DLGAP2: variants seen among roughly 807,000 people sequenced by gnomAD.
The protein encoded by DLGAP2 is DLG associated protein 2.
In DLGAP2, 26 loss-of-function variants were observed where a neutral mutation model predicts 100.3. The observed-to-expected ratio is 0.26, with a 90% CI of 0.19 to 0.36. DLGAP2 has a LOEUF of 0.36. Ranked by LOEUF, DLGAP2 falls within the 10% of genes least tolerant of loss-of-function variation. The pLI is 1.00. For synonymous variants in DLGAP2, 886 were observed against 630.1 expected (o/e 1.41, Z -6.08); for missense variants, 1,858 against 1,453.2 (o/e 1.28, Z -4.53).
chr8:1,672,282 G>T (rs138982338), intron 10 of DLGAP2, among the ~76,000 whole-genome samples: 11 of 149,174 alleles, frequency 7.4e-5, no homozygotes, highest in Non-Finnish European at 1.3e-4. Context: ...GCTGAAGTGC[G>T]TGGCACGATC....
At chr8:1,670,918 C>T (rs1345988728) in intron 10 of DLGAP2, among the ~76,000 whole-genome samples, 1 of 152,190 alleles carries the variant, frequency 6.6e-6, no homozygotes, top group African/African-American at 2.4e-5. Context: ...AGGGAGGCGT[C>T]AGGAGGGGAG....
rs1402927847 is a variant in DLGAP2 at position 963,516 on chromosome 8, A to G, written c.73+55550A>G. 2.6e-5 allele frequency among the ~76,000 whole-genome samples: 4 copies of G among 152,224 alleles called. No homozygotes were observed. In the East Asian group the frequency reaches 5.8e-4, roughly 22 times the overall value. ...ACTTTTATGTATGTAAAATATTCAT[A>G]TGGATGACTATTAAAGTAAGCGTTA... On this transcript the variant is annotated intron_variant, in intron 2 of 14. Coordinates refer to ENST00000637795, the MANE Select transcript of DLGAP2 (RefSeq NM_001346810.2).
chr8:1,269,642 C>A (rs1283293805), intron 3 of DLGAP2, among the ~76,000 whole-genome samples: 1 of 152,058 alleles, frequency 6.6e-6, no homozygotes, highest in Admixed American at 6.5e-5. Flanking sequence ...TCTGCAGCAC[C>A]CACCTTTGTA....
At chr8:1,683,068 G>T (rs926706742) in intron 12 of DLGAP2, among the ~76,000 whole-genome samples, 2 of 151,592 alleles carry the variant, frequency 1.3e-5, no homozygotes, top group African/African-American at 4.8e-5. Context: ...ATGCAACAAT[G>T]AGTAAGACAT....
At chr8:1,055,924 T>C (rs1372267726) in intron 2 of DLGAP2, among the ~76,000 whole-genome samples, 1 of 152,214 alleles carries the variant, frequency 6.6e-6, no homozygotes, top group African/African-American at 2.4e-5. Context: ...TAATAATACC[T>C]GGCCAGCTAA....
intron 1 of DLGAP2, among the ~76,000 whole-genome samples, chr8:906,380 A>G (rs1410493060): frequency 6.6e-6 from 1 of 152,162 alleles, no homozygotes; most frequent in Non-Finnish European, 1.5e-5. Flanking sequence ...TGGATCATTG[A>G]ATCCCTCCTG....
chr8:829,589 C>T (rs955113920), intron 1 of DLGAP2, among the ~76,000 whole-genome samples: 50 of 152,028 alleles, frequency 3.3e-4, no homozygotes, highest in African/African-American at 1.1e-3. Context: ...TTCTAGAAAT[C>T]GTGAAAACTA....
chr8:1,126,750 G>T (rs1015986028), intron 2 of DLGAP2, among the ~76,000 whole-genome samples: 4 of 152,140 alleles, frequency 2.6e-5, no homozygotes, highest in Non-Finnish European at 5.9e-5. Flanking sequence ...TCTCTGGAAG[G>T]AAAGATGTGC....
chr8:1,539,175 G>T (rs770124265), intron 4 of DLGAP2, among the ~76,000 whole-genome samples: 1 of 152,062 alleles, frequency 6.6e-6, no homozygotes, highest in Non-Finnish European at 1.5e-5. Context: ...CATGAGCCAC[G>T]GCACCTGGCC....
intron 2 of DLGAP2, among the ~76,000 whole-genome samples, chr8:1,137,941 C>G (rs1408767506): frequency 6.6e-6 from 1 of 152,122 alleles, no homozygotes; most frequent in Non-Finnish European, 1.5e-5. Flanking sequence ...CAGGCATGGG[C>G]CGCCATGCTG....
At chr8:935,849 T>G (rs1276888680) in intron 2 of DLGAP2, among the ~76,000 whole-genome samples, 2 of 152,186 alleles carry the variant, frequency 1.3e-5, no homozygotes, top group African/African-American at 2.4e-5. Flanking sequence ...AGTATGAGTG[T>G]TTATGTGCTT....
intron 6 of DLGAP2, among the ~76,000 whole-genome samples, chr8:1,588,887 A>C (rs1171545269): frequency 1.3e-5 from 2 of 152,088 alleles, no homozygotes; most frequent in Admixed American, 6.6e-5. Flanking sequence ...ACGCCACTGC[A>C]CTCCAACCTG....
At chr8:1,546,902 G>C (rs1487490102) in intron 4 of DLGAP2, among the ~76,000 whole-genome samples, 3 of 152,124 alleles carry the variant, frequency 2.0e-5, no homozygotes, top group African/African-American at 7.2e-5. Flanking sequence ...GCAGGTATTG[G>C]ACAAACGTGT....
intron 3 of DLGAP2, among the ~76,000 whole-genome samples, chr8:1,356,559 G>A (rs956436455): frequency 1.3e-5 from 2 of 152,106 alleles, no homozygotes; most frequent in East Asian, 1.9e-4. Context: ...TCCACACTGT[G>A]AGAGTTACCC....
chr8:1,452,888 G>A (rs1798201128), intron 3 of DLGAP2, among the ~76,000 whole-genome samples: 2 of 152,320 alleles, frequency 1.3e-5, no homozygotes, highest in South Asian at 4.1e-4. Flanking sequence ...TAAAAGGGGG[G>A]TGGCCAGGTC....
chr8:849,690 C>G (rs1343809716), intron 1 of DLGAP2, among the ~76,000 whole-genome samples: 1 of 152,114 alleles, frequency 6.6e-6, no homozygotes, highest in Non-Finnish European at 1.5e-5. Flanking sequence ...CTGCATTTCC[C>G]CTGATAACTG....
intron 3 of DLGAP2, among the ~76,000 whole-genome samples, chr8:1,456,715 C>G (rs764461835): frequency 6.6e-6 from 1 of 152,224 alleles, no homozygotes; most frequent in African/African-American, 2.4e-5. Context: ...TGGTAACCAG[C>G]AAACGCTGAA....
intron 2 of DLGAP2, among the ~76,000 whole-genome samples, chr8:923,661 C>A (rs1290733607): frequency 6.6e-6 from 1 of 152,186 alleles, no homozygotes; most frequent in African/African-American, 2.4e-5. Context: ...CCCCTCTGAG[C>A]TTGGTGCATA....
intron 3 of DLGAP2, among the ~76,000 whole-genome samples, chr8:1,426,964 A>T (rs1797254778): frequency 6.6e-6 from 1 of 152,250 alleles, no homozygotes; most frequent in Non-Finnish European, 1.5e-5. Flanking sequence ...AATAAAAAAT[A>T]TTGTGTCTTA....
Sources: gnomAD v4.1 joint callset for allele counts (sites outside exome capture counted in the v4.1 genomes callset) on GRCh38, gnomAD v4.1.1 for gene constraint, MANE v1.5 for transcripts, NCBI Gene and HGNC (gene_info 2026-07-23, HGNC 2026-07-21) for gene names.